Variants in CCR8 observed in about 807,000 individuals in gnomAD.
The protein encoded by CCR8 is C-C motif chemokine receptor 8.
For synonymous variants in CCR8, 156 were observed against 165.7 expected (o/e 0.94, Z 0.45); for missense variants, 358 against 417.5 (o/e 0.86, Z 1.24).
rs533325490 is a variant in CCR8 at position 39,329,723 on chromosome 3, C to G, written c.-121C>G. ...ATCTGCTGTTTGTAGTGGGAGGATA[C>G]CTCCAGAGAGGCTGCTGCTCATTGA... On this transcript the variant is annotated 5_prime_UTR_variant, in exon 1 of 2. Transcript: ENST00000326306. 1.3e-5 allele frequency: 2 copies of G among 152,386 alleles called. No individual in the cohort carries two copies. Among genetic ancestry groups the G allele is most frequent in the South Asian group, 4.1e-4 (2 of 4,834 alleles). The allele number at this position is 152,386 out of a possible 1,614,324, so 9.4% of individuals were successfully genotyped here.
Position 39,333,094 on chromosome 3 carries a change from A to C in CCR8, c.763A>C (p.Asn255His). The change falls in exon 2 of 2, where the codon AAC (asparagine) becomes CAC (histidine). Residue 255 changes from asparagine to histidine, a missense_variant. By Grantham distance (68) the Asn-to-His change is moderately conservative (BLOSUM62 1). Coordinates refer to ENST00000326306, the MANE Select transcript of CCR8 (RefSeq NM_005201.4). ...IASLLFWVPFNVVLFLTSLHS... is the reference protein window; with the variant it reads ...IASLLFWVPFHVVLFLTSLHS... ...ATCTTTACTTTTCTGGGTCCCATTC[A>C]ACGTGGTTCTTTTCCTCACTTCCTT... 6.2e-7 allele frequency: 1 copy of C among 1,614,098 alleles called. No individual in the cohort carries two copies. Among genetic ancestry groups the C allele is most frequent in the Non-Finnish European group, 8.5e-7 (1 of 1,180,018 alleles).
At chr3:39,331,970 C>T (rs2041259811) in intron 1 of CCR8, among the ~76,000 whole-genome samples, 2 of 150,868 alleles carry the variant, frequency 1.3e-5, no homozygotes, top group African/African-American at 2.4e-5. Flanking sequence ...CAGGCATGCA[C>T]CCGCCATGCC....
Position 39,333,399 on chromosome 3 carries a change from A to C in CCR8, c.1068A>C (p.Ter356CysextTer50), listed in dbSNP as rs765979465. 4 of 1,600,938 alleles carry C rather than the reference A, an allele frequency of 2.5e-6. No homozygotes were observed. Among genetic ancestry groups the C allele is most frequent in the Non-Finnish European group, 8.5e-7 (1 of 1,172,912 alleles). The change falls in exon 2 of 2, where the codon TGA becomes TGC. Residue 356 changes from the stop codon to cysteine, a stop_lost. Coordinates refer to ENST00000326306, the MANE Select transcript of CCR8 (RefSeq NM_005201.4). ...SRSSSVDYIL[*>C] ...CCTCCAGCGTAGACTACATTTTGTG[A>C]GGATCAATGAAGACTAAATATAAAA...
At position 39,333,475 on chromosome 3, in the gene CCR8, G is replaced by A; in HGVS notation, c.*76G>A. 3 of 1,217,604 alleles carry A rather than the reference G, an allele frequency of 2.5e-6. No homozygotes were observed. Among genetic ancestry groups the A allele is most frequent in the Non-Finnish European group, 3.4e-6 (3 of 876,572 alleles). The allele number at this position is 1,217,604 out of a possible 1,614,324, so 75.4% of individuals were successfully genotyped here. A position where few individuals can be genotyped will look rare whatever the true frequency, so the allele number is the denominator to read the frequency against. On this transcript the variant is annotated 3_prime_UTR_variant, in exon 2 of 2. Transcript: ENST00000326306. The stretch of plus-strand genomic sequence containing the variant: ...TAGCAGTGAGCAAAGGTGTGGGTGT[G>A]AAAGGTTTCCAAAAAAAGTTCAGCA...
chr3:39,330,921 T>C (rs1043467446), intron 1 of CCR8, among the ~76,000 whole-genome samples: 1 of 152,126 alleles, frequency 6.6e-6, no homozygotes. Flanking sequence ...TTTTAGTTGT[T>C]GTTTCTGTTA....
chr3:39,332,865 T>C lies in CCR8; in HGVS notation c.534T>C (p.Asp178=), dbSNP rs1415098291. The C allele has an allele frequency of 1.2e-6, 2 of 1,614,062 alleles. No homozygotes were observed. The highest frequency in any genetic ancestry group is 1.7e-6 in the Non-Finnish European group (2 of 1,180,024). ...LLVFYQVASE[D]GVLQCYSFYN... ...TGTTTTACCAAGTGGCCTCTGAAGA[T>C]GGTGTTCTACAGTGTTATTCATTTT... The change falls in exon 2 of 2, where the codon GAT becomes GAC. Residue 178 remains aspartate (D), a synonymous_variant. Transcript: ENST00000326306.
intron 1 of CCR8, among the ~76,000 whole-genome samples, chr3:39,331,233 A>G (rs1264901295): frequency 6.6e-6 from 1 of 152,184 alleles, no homozygotes; most frequent in Non-Finnish European, 1.5e-5. Flanking sequence ...TGGCTTAAAC[A>G]ACAGAAAGTG....
intron 1 of CCR8, among the ~76,000 whole-genome samples, chr3:39,331,796 CTT>C (rs1306632112): frequency 0.02 from 2,460 of 126,052 alleles, 43 homozygotes; most frequent in Non-Finnish European, 0.031. Flanking sequence ...CTCATTTAAC[CTT>C]TTTTTTTTTT....
At chr3:39,332,275 T>C (rs966774442) in intron 1 of CCR8, 43 bp from the exon 2 acceptor site, 13 of 1,174,264 alleles carry the variant, frequency 1.1e-5, no homozygotes, top group Middle Eastern at 2.0e-4. Context: ...AAAATAAAAA[T>C]GTTTTTAAGG....
chr3:39,333,230 A>G lies in CCR8; in HGVS notation c.899A>G (p.Tyr300Cys). ...FTHCCVNPVI[Y>C]AFVGEKFKKH... ...CACTGCTGTGTGAACCCTGTTATCT[A>G]TGCTTTTGTTGGGGAGAAGTTCAAG... Residue 300 changes from tyrosine to cysteine, a missense_variant, in exon 2 of 2, where the codon TAT (tyrosine) becomes TGT (cysteine). Transcript: ENST00000326306. The G allele has an allele frequency of 1.9e-6, 3 of 1,614,028 alleles. No homozygotes were observed. Among genetic ancestry groups the G allele is most frequent in the Admixed American group, 1.7e-5 (1 of 59,992 alleles).
In CCR8 at chr3:39,332,509, C is replaced by T. The variant is rs1168261722; in HGVS notation, c.178C>T (p.Leu60Phe). 6.2e-7 allele frequency: 1 copy of T among 1,614,028 alleles called. No individual in the cohort carries two copies. Among genetic ancestry groups the T allele is most frequent in the African/African-American group, 1.3e-5 (1 of 74,892 alleles). ...GGGAAACAGCCTGGTCATCCTGGTC[C>T]TTGTGGTCTGCAAGAAGCTGAGGAG... ...LLGNSLVILV[L>F]VVCKKLRSIT... Residue 60 changes from leucine (L) to phenylalanine (F), a missense_variant, in exon 2 of 2, where the codon CTT (leucine) becomes TTT (phenylalanine). By Grantham distance (22) the Leu-to-Phe change is conservative. Coordinates refer to ENST00000326306, the MANE Select transcript of CCR8 (RefSeq NM_005201.4).
At position 39,332,817 on chromosome 3, in the gene CCR8, T is replaced by C. The variant is rs757363694; in HGVS notation, c.486T>C (p.Ile162=). 24 of 1,614,192 alleles carry C rather than the reference T, an allele frequency of 1.5e-5. No homozygotes were observed. In the Admixed American group the frequency reaches 3.8e-4, roughly 26 times the overall value. ...TLCLAVWLTA[I]MATIPLLVFY... Reference sequence around the variant, plus strand: ...GCCTGGCAGTATGGCTAACCGCCATTATGGCTACCATCCCATTGCTAGTGT... The same window carrying C: ...GCCTGGCAGTATGGCTAACCGCCATCATGGCTACCATCCCATTGCTAGTGT... The change falls in exon 2 of 2, where the codon ATT becomes ATC. Residue 162 remains isoleucine, a synonymous_variant. Transcript: ENST00000326306.
chr3:39,333,064 A>C lies in CCR8; in HGVS notation c.733A>C (p.Ile245Leu), dbSNP rs368688874. The C allele has an allele frequency of 8.1e-6, 13 of 1,613,968 alleles. No individual in the cohort carries two copies. Among genetic ancestry groups the C allele is most frequent in the African/African-American group, 1.3e-5 (1 of 74,898 alleles). ...CATCAGGTTGGTGCTCATTGTGGTC[A>C]TTGCATCTTTACTTTTCTGGGTCCC... ...KAIRLVLIVV[I>L]ASLLFWVPFN... Residue 245 changes from isoleucine (I) to leucine (L), a missense_variant, in exon 2 of 2, where the codon ATT (isoleucine) becomes CTT (leucine). Transcript: ENST00000326306.
Position 39,332,905 on chromosome 3 carries a change from T to G in CCR8, c.574T>G (p.Leu192Val). ...TTATTCATTTTACAATCAACAGACT[T>G]TGAAGTGGAAGATCTTCACCAACTT... ...QCYSFYNQQT[L>V]KWKIFTNFKM... The change falls in exon 2 of 2, where the codon TTG becomes GTG. Residue 192 changes from leucine (L) to valine (V), a missense_variant. Transcript: ENST00000326306. 6.2e-7 allele frequency: 1 copy of G among 1,614,136 alleles called. No homozygotes were observed.
chr3:39,332,873 TAC>T lies in CCR8; in HGVS notation c.544_545del (p.Gln182ValfsTer38). The T allele has an allele frequency of 6.2e-7, 1 of 1,614,178 alleles. No individual in the cohort carries two copies. The highest frequency in any genetic ancestry group is 8.5e-7 in the Non-Finnish European group (1 of 1,180,020). ...CAAGTGGCCTCTGAAGATGGTGTTC[TAC>T]AGTGTTATTCATTTTACAATCAACA... On this transcript the variant is annotated frameshift_variant, in exon 2 of 2. Transcript: ENST00000326306. LOFTEE classifies it low-confidence loss of function (END_TRUNC).
In CCR8 at chr3:39,333,099, G is replaced by C. The variant is rs777192951; in HGVS notation, c.768G>C (p.Val256=). The C allele has an allele frequency of 1.4e-5, 22 of 1,613,952 alleles. No homozygotes were observed. Among genetic ancestry groups the C allele is most frequent in the Admixed American group, 1.7e-5 (1 of 59,990 alleles). ...TACTTTTCTGGGTCCCATTCAACGT[G>C]GTTCTTTTCCTCACTTCCTTGCACA... ...ASLLFWVPFN[V]VLFLTSLHSM... Residue 256 remains valine (V), a synonymous_variant, in exon 2 of 2, where the codon GTG becomes GTC. Transcript: ENST00000326306.
chr3:39,332,386 G>A lies in CCR8; in HGVS notation c.55G>A (p.Asp19Asn), dbSNP rs1474484866. 6.2e-7 allele frequency: 1 copy of A among 1,613,994 alleles called. No individual in the cohort carries two copies. The highest frequency in any genetic ancestry group is 1.7e-5 in the Admixed American group (1 of 59,988). ...AACAGTGACCGACTACTACTACCCT[G>A]ATATCTTCTCAAGCCCCTGTGATGC... is the stretch of plus-strand genomic sequence containing the variant. The part of the protein sequence containing the change: ...VTTVTDYYYP[D>N]IFSSPCDAEL... Residue 19 changes from aspartate (D) to asparagine (N), a missense_variant, in exon 2 of 2, where the codon GAT becomes AAT. By Grantham distance (23) the Asp-to-Asn change is conservative (BLOSUM62 1). Coordinates refer to ENST00000326306, the MANE Select transcript of CCR8 (RefSeq NM_005201.4).
chr3:39,331,826 T>TA, intron 1 of CCR8, among the ~76,000 whole-genome samples: 1 of 136,656 alleles, frequency 7.3e-6, no homozygotes, highest in South Asian at 2.5e-4. Context: ...TTTAATTTTT[T>TA]TTTTTTTTTT....
At chr3:39,331,022 G>T (rs937692737) in intron 1 of CCR8, among the ~76,000 whole-genome samples, 1 of 151,676 alleles carries the variant, frequency 6.6e-6, no homozygotes, top group Non-Finnish European at 1.5e-5. Flanking sequence ...GGAAGAGAGG[G>T]AATGAGGGAG....
Sources: gnomAD v4.1 joint callset for allele counts (sites outside exome capture counted in the v4.1 genomes callset) on GRCh38, gnomAD v4.1.1 for gene constraint, MANE v1.5 for transcripts, NCBI Gene and HGNC (gene_info 2026-07-23, HGNC 2026-07-21) for gene names.